The following FREM3 variants were observed in gnomAD, a reference collection of about 807,000 sequenced individuals.
FREM3 encodes FRAS1-related extracellular matrix protein 3.
In FREM3, 105 loss-of-function variants were observed where a neutral mutation model predicts 129.1. The observed-to-expected ratio is 0.81, with a 90% CI of 0.69 to 0.96. The LOEUF (loss-of-function observed/expected upper bound fraction) is 0.96. FREM3 is among the 40% of genes least tolerant of loss of function. The probability of loss-of-function intolerance (pLI) is 0.00; values close to 1 mark genes in which losing one functional copy is unlikely to be tolerated. For missense variants in FREM3, 2,593 were observed against 2,666.3 expected, an observed-to-expected ratio of 0.97 and a Z score of 0.61; for synonymous variants, 1,014 against 1,044.9, an observed-to-expected ratio of 0.97 and a Z score of 0.57.
chr4:143,670,413 T>C (rs1367922910), intron 2 of FREM3, among the ~76,000 whole-genome samples: 1 of 152,178 alleles, frequency 6.6e-6, no homozygotes, highest in Non-Finnish European at 1.5e-5. Context: ...TATTTATAAT[T>C]ATCTACTTAC....
chr4:143,593,024 A>G (rs1219602346), intron 6 of FREM3, among the ~76,000 whole-genome samples: 1 of 152,114 alleles, frequency 6.6e-6, no homozygotes, highest in Non-Finnish European at 1.5e-5. Flanking sequence ...CTTCCAGTTG[A>G]TCGCATCGGT....
chr4:143,697,244 GAT>G lies in FREM3; in HGVS notation c.3430_3431del (p.Ile1144ProfsTer28), dbSNP rs1378836506. ...GTACATAATTGATATGCCTCACTTG[GAT>G]ATCTCTGAGGGAGAAAGCACTGATA... ...SPISAFSLRD[I>X]QVRHINYVQS... On this transcript the variant is annotated frameshift_variant, in exon 1 of 8. Transcript: ENST00000329798. LOFTEE classifies it high-confidence loss of function. 1.3e-6 allele frequency: 2 copies of G among 1,537,466 alleles called. No homozygotes were observed. Among genetic ancestry groups the G allele is most frequent in the Non-Finnish European group, 1.7e-6 (2 of 1,146,936 alleles).
chr4:143,673,737 CACCCAG>C (rs1361350624), intron 2 of FREM3, among the ~76,000 whole-genome samples: 1 of 152,252 alleles, frequency 6.6e-6, no homozygotes, highest in Non-Finnish European at 1.5e-5. Context: ...TGGTGGGCTC[CACCCAG>C]TTCAAGCTTC....
intron 2 of FREM3, among the ~76,000 whole-genome samples, chr4:143,655,141 G>GAT (rs1739578354): frequency 6.6e-6 from 1 of 152,102 alleles, no homozygotes; most frequent in Non-Finnish European, 1.5e-5. Flanking sequence ...ATCCCTTCCA[G>GAT]ATATCTTCAT....
intron 2 of FREM3, among the ~76,000 whole-genome samples, chr4:143,667,501 G>A (rs1424488982): frequency 3.9e-5 from 6 of 151,988 alleles, no homozygotes; most frequent in African/African-American, 9.7e-5. Context: ...TATATCAGTC[G>A]CTTAAAAAGA....
intron 2 of FREM3, among the ~76,000 whole-genome samples, chr4:143,633,299 A>G (rs1007412473): frequency 1.2e-4 from 18 of 152,320 alleles, no homozygotes; most frequent in African/African-American, 4.1e-4. Flanking sequence ...TTAAATAGCA[A>G]TGATATTTAA....
At chr4:143,633,541 CTTG>C (rs1739178078) in intron 2 of FREM3, among the ~76,000 whole-genome samples, 1 of 152,140 alleles carries the variant, frequency 6.6e-6, no homozygotes, top group East Asian at 1.9e-4. Flanking sequence ...TTGTTTTTGT[CTTG>C]TTGTGTTTGT....
intron 2 of FREM3, among the ~76,000 whole-genome samples, chr4:143,679,925 A>G (rs188046272): frequency 1.3e-5 from 2 of 152,302 alleles, no homozygotes; most frequent in East Asian, 3.9e-4. Context: ...TTTTGAACCC[A>G]TTACATTATT....
At chr4:143,617,561 G>A (rs140572785) in intron 5 of FREM3, among the ~76,000 whole-genome samples, 161 of 152,226 alleles carry the variant, frequency 1.1e-3, no homozygotes, top group African/African-American at 3.3e-3. Context: ...TGTTTGTTGC[G>A]TTTGGCTATA....
chr4:143,690,550 G>A lies in FREM3; in HGVS notation c.5275+2563C>T, dbSNP rs145101656. On this transcript the variant is annotated intron_variant, in intron 2 of 7. Coordinates refer to ENST00000329798, the MANE Select transcript of FREM3 (RefSeq NM_001168235.2). ...ACAACAACAACATCTCCTTCAGCCC[G>A]ATGGTGAAAGATCTATTTCTAGAAG... 2.1e-3 allele frequency among the ~76,000 whole-genome samples: 314 copies of A among 152,176 alleles called. 2 individuals are homozygous for A. Among genetic ancestry groups the A allele is most frequent in the African/African-American group, 7.3e-3 (304 of 41,546 alleles).
At chr4:143,676,774 A>G (rs934012948) in intron 2 of FREM3, among the ~76,000 whole-genome samples, 15 of 152,246 alleles carry the variant, frequency 9.9e-5, no homozygotes, top group African/African-American at 3.1e-4. Context: ...CCAAATCATG[A>G]GTGAACTCCT....
At chr4:143,634,649 G>A (rs1019614531) in intron 2 of FREM3, among the ~76,000 whole-genome samples, 1 of 152,122 alleles carries the variant, frequency 6.6e-6, no homozygotes, top group Non-Finnish European at 1.5e-5. Context: ...CCTTCTGGCT[G>A]TGCATAATCA....
chr4:143,611,114 T>A (rs1158785334), intron 6 of FREM3, among the ~76,000 whole-genome samples, 165 bp downstream of exon 6: 1 of 152,238 alleles, frequency 6.6e-6, no homozygotes, highest in Non-Finnish European at 1.5e-5. Context: ...TCATTGGTGT[T>A]GGTGATGTCT....
chr4:143,666,621 G>T (rs1047100748), intron 2 of FREM3, among the ~76,000 whole-genome samples: 1 of 152,092 alleles, frequency 6.6e-6, no homozygotes, highest in South Asian at 2.1e-4. Context: ...TGAAATAAGC[G>T]AGACACAAAT....
chr4:143,669,811 T>C (rs1166498430), intron 2 of FREM3, among the ~76,000 whole-genome samples: 1 of 152,130 alleles, frequency 6.6e-6, no homozygotes, highest in African/African-American at 2.4e-5. Context: ...TATTTTTAAA[T>C]TTCAACTTTT....
intron 2 of FREM3, among the ~76,000 whole-genome samples, chr4:143,667,234 C>G (rs551704359): frequency 2.2e-4 from 34 of 152,172 alleles, no homozygotes; most frequent in Non-Finnish European, 4.3e-4. Flanking sequence ...TTCAATTTCA[C>G]CACTATATTC....
intron 7 of FREM3, among the ~76,000 whole-genome samples, chr4:143,584,333 C>T (rs1410422948): frequency 8.0e-5 from 12 of 150,542 alleles, no homozygotes; most frequent in African/African-American, 2.2e-4. Context: ...GGCGTGAACC[C>T]GGGAAGCGGA....
chr4:143,633,731 A>C (rs1739182100), intron 2 of FREM3, among the ~76,000 whole-genome samples: 2 of 152,208 alleles, frequency 1.3e-5, no homozygotes, highest in African/African-American at 4.8e-5. Flanking sequence ...GAATGCATAA[A>C]TCAATTACAT....
chr4:143,626,364 A>G (rs1466280545), intron 3 of FREM3, among the ~76,000 whole-genome samples: 1 of 152,166 alleles, frequency 6.6e-6, no homozygotes, highest in Non-Finnish European at 1.5e-5. Context: ...GTGAAGAACC[A>G]TACAGCAGTG....
Sources: gnomAD v4.1 joint callset for allele counts (sites outside exome capture counted in the v4.1 genomes callset) on GRCh38, gnomAD v4.1.1 for gene constraint, MANE v1.5 for transcripts, NCBI Gene and HGNC (gene_info 2026-07-23, HGNC 2026-07-21) for gene names.